Variants in SCFD2 observed in about 807,000 individuals in gnomAD.
SCFD2 encodes sec1 family domain-containing protein 2.
SCFD2 carries 54 observed loss-of-function variants against 58.9 expected under a neutral mutation model. The ratio of observed to expected loss-of-function variants is 0.92; its 90% CI spans 0.74 to 1.15. The LOEUF (loss-of-function observed/expected upper bound fraction) is 1.15. Among genes scored for constraint, SCFD2 ranks in the 50% most tolerant of loss-of-function variants. SCFD2 has a pLI of 0.00. For missense variants in SCFD2, 805 were observed against 836.6 expected (o/e 0.96, Z 0.47); for synonymous variants, 321 against 335.9 (o/e 0.96, Z 0.49).
chr4:53,197,670 T>C (rs1170958078), intron 4 of SCFD2, among the ~76,000 whole-genome samples: 1 of 148,872 alleles, frequency 6.7e-6, no homozygotes, highest in African/African-American at 2.5e-5. Flanking sequence ...TTGAATGTCA[T>C]ATTTCAAAAG....
chr4:53,236,039 G>A (rs1182488711), intron 4 of SCFD2, among the ~76,000 whole-genome samples: 2 of 152,144 alleles, frequency 1.3e-5, no homozygotes, highest in Non-Finnish European at 2.9e-5. Flanking sequence ...TGAAGGATAC[G>A]AAGTATTGAT....
At chr4:52,944,906 C>G (rs892333952) in intron 5 of SCFD2, among the ~76,000 whole-genome samples, 1 of 152,116 alleles carries the variant, frequency 6.6e-6, no homozygotes, top group South Asian at 2.1e-4. Flanking sequence ...CCATGTCCAC[C>G]TAGCTGCAGA....
chr4:53,192,524 T>C (rs1727944536), intron 4 of SCFD2, among the ~76,000 whole-genome samples: 1 of 152,200 alleles, frequency 6.6e-6, no homozygotes, highest in African/African-American at 2.4e-5. Flanking sequence ...AACTACTGTA[T>C]TCTAAATAAA....
chr4:53,188,594 A>C (rs1727805902), intron 4 of SCFD2, among the ~76,000 whole-genome samples: 1 of 152,128 alleles, frequency 6.6e-6, no homozygotes, highest in East Asian at 1.9e-4. Flanking sequence ...TCACTATGTA[A>C]CTAGATTGCA....
At chr4:53,232,768 G>A (rs1203293549) in intron 4 of SCFD2, among the ~76,000 whole-genome samples, 1 of 152,114 alleles carries the variant, frequency 6.6e-6, no homozygotes, top group African/African-American at 2.4e-5. Flanking sequence ...ATCACTTCAA[G>A]CATCAACACA....
intron 5 of SCFD2, among the ~76,000 whole-genome samples, chr4:53,047,098 T>A (rs1014232115): frequency 6.6e-6 from 1 of 152,152 alleles, no homozygotes. Context: ...AACTTAAAGA[T>A]CATAGATTTA....
rs1730450009 is a variant in SCFD2, at chr4:53,252,891, A to G, written c.1311+20935T>C. ...ACAAAAGCCAAAATTGACAAATGGG[A>G]TCTCATTAAACTAAAGCGCTTCTGC... On this transcript the variant is annotated intron_variant, in intron 4 of 8. Coordinates refer to ENST00000401642, the MANE Select transcript of SCFD2 (RefSeq NM_152540.4). Among the ~76,000 whole-genome samples, 6 of 152,306 alleles carry G rather than the reference A, an allele frequency of 3.9e-5. No individual in the cohort carries two copies. The South Asian group carries it at 1.2e-3, about 32-fold the overall frequency.
At chr4:53,168,518 T>C (rs1315315491) in intron 4 of SCFD2, among the ~76,000 whole-genome samples, 1 of 152,182 alleles carries the variant, frequency 6.6e-6, no homozygotes, top group Non-Finnish European at 1.5e-5. Flanking sequence ...TTAATGAATA[T>C]AAACTATATA....
intron 5 of SCFD2, among the ~76,000 whole-genome samples, chr4:53,098,489 T>C (rs1724730557): frequency 6.6e-6 from 1 of 152,208 alleles, no homozygotes. Flanking sequence ...CTAGATTTTG[T>C]AGTTTATTTG....
At chr4:52,958,538 C>T (rs577523766) in intron 5 of SCFD2, among the ~76,000 whole-genome samples, 56 of 152,262 alleles carry the variant, frequency 3.7e-4, no homozygotes, top group Middle Eastern at 6.8e-3. Flanking sequence ...CACCCCCACC[C>T]TCAACAAGTG....
intron 3 of SCFD2, among the ~76,000 whole-genome samples, chr4:53,278,038 C>T (rs562788780): frequency 2.0e-5 from 3 of 148,010 alleles, no homozygotes; most frequent in East Asian, 2.0e-4. Flanking sequence ...AGGGACAGAA[C>T]GAGACTCCGT....
At chr4:52,915,767 C>CCT (rs1321388570) in intron 6 of SCFD2, among the ~76,000 whole-genome samples, 1 of 152,106 alleles carries the variant, frequency 6.6e-6, no homozygotes, top group Non-Finnish European at 1.5e-5. Context: ...GTTTCCTGGC[C>CCT]CTCAATTTAG....
intron 3 of SCFD2, among the ~76,000 whole-genome samples, chr4:53,298,993 G>GA (rs558816565): frequency 3.3e-5 from 5 of 152,052 alleles, no homozygotes; most frequent in South Asian, 4.2e-4. Flanking sequence ...CAAAGATGGG[G>GA]AAAAAACAGA....
intron 3 of SCFD2, among the ~76,000 whole-genome samples, chr4:53,298,960 A>G (rs1041273888): frequency 6.6e-6 from 1 of 152,212 alleles, no homozygotes; most frequent in Non-Finnish European, 1.5e-5. Flanking sequence ...AACATCATCA[A>G]AGACCAAAGG....
rs1022285039 is a variant in SCFD2, at chr4:52,873,766, AAAACTTTTTTT to A, written c.*192_*202del. On this transcript the variant is annotated 3_prime_UTR_variant, in exon 9 of 9. Coordinates refer to ENST00000401642, the MANE Select transcript of SCFD2 (RefSeq NM_152540.4). ...AGACTGTCGCCTTCAGGAAAATAAAAAAACTTTTTTTTTTTTTTTTTAAGAATCACAGCAAT... is the reference window on the plus strand; with the variant it reads ...AGACTGTCGCCTTCAGGAAAATAAAATTTTTTTTTTAAGAATCACAGCAAT... 4.4e-6 allele frequency: 2 copies of A among 456,950 alleles called. No homozygotes were observed. The highest frequency in any genetic ancestry group is 4.0e-5 in the African/African-American group (2 of 50,502). The allele number at this position is 456,950 out of a possible 1,614,324, so 28.3% of individuals were successfully genotyped here.
intron 5 of SCFD2, among the ~76,000 whole-genome samples, chr4:52,981,617 A>C (rs1689731472): frequency 6.6e-6 from 1 of 152,086 alleles, no homozygotes; most frequent in South Asian, 2.1e-4. Context: ...TTTAGAGGAG[A>C]AAATCAAGGC....
At chr4:53,033,445 A>G (rs1577673681) in intron 5 of SCFD2, among the ~76,000 whole-genome samples, 1 of 152,318 alleles carries the variant, frequency 6.6e-6, no homozygotes, top group East Asian at 1.9e-4. Flanking sequence ...AAAAGCTAGC[A>G]GAAGACAAGA....
At chr4:53,161,782 T>C (rs1389865349) in intron 4 of SCFD2, among the ~76,000 whole-genome samples, 1 of 152,204 alleles carries the variant, frequency 6.6e-6, no homozygotes, top group Non-Finnish European at 1.5e-5. Flanking sequence ...CATTCGTCTT[T>C]ATCTGGCTAC....
rs1406801696 is a variant in SCFD2, at chr4:52,907,522, C to G, written c.1777G>C (p.Asp593His). 5 of 1,613,816 alleles carry G rather than the reference C, an allele frequency of 3.1e-6. No homozygotes were observed. The highest frequency in any genetic ancestry group is 3.4e-6 in the Non-Finnish European group (4 of 1,179,862). The change falls in exon 7 of 9, where the codon GAT becomes CAT. Residue 593 changes from aspartate to histidine, a missense_variant. Around this residue, in one of 3 missense-constraint regions of SCFD2, gnomAD observed 633 missense variants for 646.8 expected, o/e 0.98. Coordinates refer to ENST00000401642, the MANE Select transcript of SCFD2 (RefSeq NM_152540.4). ...IFHPERPDSV[D>H]IEHMSSGLTD... Reference sequence around the variant, plus strand: ...AGGCCTGAAGACATGTGTTCAATATCAACGGAATCTGGCCTCTCGGGATGA... The same window carrying G: ...AGGCCTGAAGACATGTGTTCAATATGAACGGAATCTGGCCTCTCGGGATGA...
Sources: allele counts gnomAD v4.1 joint callset (sites outside exome capture counted in the v4.1 genomes callset), GRCh38; gene constraint gnomAD v4.1.1; regional missense constraint gnomAD v4.1.1; transcripts MANE v1.5; gene names NCBI Gene and HGNC (gene_info 2026-07-23, HGNC 2026-07-21).